ADGRB3: variants seen among roughly 807,000 people sequenced by gnomAD.
ADGRB3 encodes brain-specific angiogenesis inhibitor 3.
Under a neutral mutation model 193.4 loss-of-function variants are expected in ADGRB3, and 37 were observed. The ratio of observed to expected loss-of-function variants is 0.19; its 90% CI spans 0.15 to 0.25. The LOEUF (loss-of-function observed/expected upper bound fraction) is 0.25, where lower values mean the gene tolerates loss of function less well. ADGRB3 is among the 10% of genes least tolerant of loss of function. ADGRB3 has a pLI of 1.00. For missense variants in ADGRB3, 1,637 were observed against 1,852.9 expected (o/e 0.88, Z 2.14); for synonymous variants, 690 against 644.2 (o/e 1.07, Z -1.08).
intron 3 of ADGRB3, among the ~76,000 whole-genome samples, chr6:68,732,602 G>A (rs150647326): frequency 6.6e-6 from 1 of 151,958 alleles, no homozygotes; most frequent in African/African-American, 2.4e-5. Flanking sequence ...AGTTTGGGAT[G>A]ACTTTGCAGA....
chr6:69,024,339 G>A (rs919628335), intron 13 of ADGRB3, among the ~76,000 whole-genome samples: 2 of 152,142 alleles, frequency 1.3e-5, no homozygotes, highest in Non-Finnish European at 1.5e-5. Flanking sequence ...AACTTTATGG[G>A]ATTCTCAATT....
intron 17 of ADGRB3, among the ~76,000 whole-genome samples, chr6:69,141,217 G>C (rs1456010163): frequency 6.6e-6 from 1 of 151,676 alleles, no homozygotes; most frequent in Non-Finnish European, 1.5e-5. Context: ...TCCGCCTCCT[G>C]GGTTCTCGGC....
At chr6:68,974,614 A>G (rs1582363150) in intron 8 of ADGRB3, 149 bp from the exon 9 acceptor site, 2 of 584,182 alleles carry the variant, frequency 3.4e-6, no homozygotes, top group East Asian at 6.1e-5. Context: ...CAGCCTGGGC[A>G]ACAGAGTGAG....
At chr6:68,776,219 G>A (rs1766744134) in intron 3 of ADGRB3, among the ~76,000 whole-genome samples, 1 of 152,100 alleles carries the variant, frequency 6.6e-6, no homozygotes, top group Admixed American at 6.6e-5. Context: ...AAGGGACTGA[G>A]AATTGCCACT....
intron 17 of ADGRB3, among the ~76,000 whole-genome samples, chr6:69,081,812 G>A (rs1007773566): frequency 4.6e-5 from 7 of 151,922 alleles, no homozygotes; most frequent in African/African-American, 9.7e-5. Context: ...AACTGATAAC[G>A]TTTACATAAA....
rs147562077 is a variant in ADGRB3, at chr6:69,146,249, G to C, written c.2480+70211G>C. Among the ~76,000 whole-genome samples, 68 of 152,304 alleles carry C rather than the reference G, an allele frequency of 4.5e-4. 1 individual carries two copies. Among genetic ancestry groups the C allele is most frequent in the African/African-American group, 1.5e-3 (64 of 41,560 alleles). On this transcript the variant is annotated intron_variant, in intron 17 of 31. Transcript: ENST00000370598. ...AAATTGGGAGGAGGCTGGCATGTCA[G>C]TGCTGCCCTAAGCATGAGTACACCT...
At chr6:68,991,581 AAAGC>A (rs960381552) in intron 10 of ADGRB3, among the ~76,000 whole-genome samples, 3 of 151,872 alleles carry the variant, frequency 2.0e-5, no homozygotes, top group Admixed American at 6.6e-5. Context: ...AAAAAAAAAA[AAAGC>A]AAGACAAAGG....
At chr6:69,066,096 C>A (rs569126348) in intron 16 of ADGRB3, among the ~76,000 whole-genome samples, 3 of 151,596 alleles carry the variant, frequency 2.0e-5, no homozygotes, top group South Asian at 4.2e-4. Context: ...CTGGAACCAA[C>A]CCCCTGTGGA....
At chr6:68,911,055 T>C (rs1766691443) in intron 3 of ADGRB3, among the ~76,000 whole-genome samples, 1 of 151,990 alleles carries the variant, frequency 6.6e-6, no homozygotes, top group South Asian at 2.1e-4. Context: ...ATGTTCTTCA[T>C]GTGGCACATA....
intron 10 of ADGRB3, among the ~76,000 whole-genome samples, chr6:68,980,662 C>A (rs1768883252): frequency 6.6e-6 from 1 of 151,440 alleles, no homozygotes; most frequent in African/African-American, 2.4e-5. Flanking sequence ...CTTCAATGAG[C>A]AATTAAGAAA....
At chr6:69,369,312 A>G (rs1426671164) in intron 29 of ADGRB3, among the ~76,000 whole-genome samples, 1 of 152,164 alleles carries the variant, frequency 6.6e-6, no homozygotes, top group African/African-American at 2.4e-5. Context: ...CACTGTATGT[A>G]TACCAACGGT....
At chr6:68,762,646 A>C (rs1384141739) in intron 3 of ADGRB3, among the ~76,000 whole-genome samples, 1 of 152,190 alleles carries the variant, frequency 6.6e-6, no homozygotes, top group African/African-American at 2.4e-5. Flanking sequence ...TGCTTAAATT[A>C]TAAATGTCAT....
chr6:69,367,896 C>CA (rs1266544953), intron 29 of ADGRB3, among the ~76,000 whole-genome samples: 1 of 148,598 alleles, frequency 6.7e-6, no homozygotes, highest in African/African-American at 2.5e-5. Context: ...ATCGCAAGAA[C>CA]AAAAAACCAA....
intron 20 of ADGRB3, among the ~76,000 whole-genome samples, chr6:69,254,869 C>T: frequency 8.0e-6 from 1 of 124,990 alleles, no homozygotes; most frequent in Admixed American, 8.8e-5. Flanking sequence ...CCCCCCACCC[C>T]ACAACAGTCC....
chr6:68,910,915 T>C (rs1025247701), intron 3 of ADGRB3, among the ~76,000 whole-genome samples: 16 of 152,162 alleles, frequency 1.1e-4, no homozygotes, highest in Non-Finnish European at 1.9e-4. Context: ...ATATGAACTT[T>C]AAAGTAGTTT....
chr6:69,351,125 C>T (rs1486363949), intron 26 of ADGRB3, among the ~76,000 whole-genome samples: 1 of 143,038 alleles, frequency 7.0e-6, no homozygotes, highest in East Asian at 2.0e-4. Context: ...CATAGTCTTG[C>T]TCTTGTCACC....
chr6:69,300,183 GT>G (rs1191568982), intron 20 of ADGRB3, among the ~76,000 whole-genome samples: 1 of 151,754 alleles, frequency 6.6e-6, no homozygotes, highest in Non-Finnish European at 1.5e-5. Flanking sequence ...ATTAATAAAT[GT>G]CATACATCAC....
At chr6:68,969,332 T>C (rs180826783) in intron 8 of ADGRB3, among the ~76,000 whole-genome samples, 1 of 152,276 alleles carries the variant, frequency 6.6e-6, no homozygotes, top group African/African-American at 2.4e-5. Flanking sequence ...AGAATATCCA[T>C]GGGTTTCACA....
intron 3 of ADGRB3, among the ~76,000 whole-genome samples, chr6:68,903,139 A>C (rs17397525): frequency 6.6e-6 from 1 of 152,188 alleles, no homozygotes; most frequent in Non-Finnish European, 1.5e-5. Flanking sequence ...TGATCAAACA[A>C]TAAAACAAAT....
Sources: allele counts gnomAD v4.1 joint callset (sites outside exome capture counted in the v4.1 genomes callset), GRCh38; gene constraint gnomAD v4.1.1; transcripts MANE v1.5; gene names NCBI Gene and HGNC (gene_info 2026-07-23, HGNC 2026-07-21).